ORC2: variants seen among roughly 807,000 people sequenced by gnomAD.
ORC2 encodes origin recognition complex subunit 2.
A neutral mutation model predicts 77.7 loss-of-function variants in ORC2; 37 were observed. The observed-to-expected ratio is 0.48, with a 90% CI of 0.37 to 0.63. ORC2 has a LOEUF of 0.63. Ranked by LOEUF, ORC2 falls within the 20% of genes least tolerant of loss-of-function variation. The pLI is 0.00. For synonymous variants in ORC2, 201 were observed against 229.5 expected (o/e 0.88, Z 1.12); for missense variants, 557 against 661.9 (o/e 0.84, Z 1.74).
At position 200,932,220 on chromosome 2, in the gene ORC2, C is replaced by T. The variant is rs548852189; in HGVS notation, c.808-772G>A. Among the ~76,000 whole-genome samples, 22 of 151,772 alleles carry T rather than the reference C, an allele frequency of 1.4e-4. No individual in the cohort carries two copies. The East Asian group carries it at 4.3e-3, about 29-fold the overall frequency. Reference sequence around the variant, plus strand: ...TTCTGAGTTCAGAGCCCTGAAAAAGCAGAGAAAGCACTAATATCTTTTCCA... The same window carrying T: ...TTCTGAGTTCAGAGCCCTGAAAAAGTAGAGAAAGCACTAATATCTTTTCCA... On this transcript the variant is annotated intron_variant, in intron 10 of 17. Transcript: ENST00000234296.
intron 4 of ORC2, among the ~76,000 whole-genome samples, 163 bp from the exon 5 acceptor site, chr2:200,949,806 C>T (rs1293398532): frequency 1.3e-5 from 2 of 151,972 alleles, no homozygotes; most frequent in Non-Finnish European, 2.9e-5. Flanking sequence ...AGAAAACAGG[C>T]TATGAAACTG....
intron 8 of ORC2, 118 bp downstream of exon 8, chr2:200,937,788 A>T: frequency 1.4e-6 from 1 of 691,316 alleles, no homozygotes; most frequent in South Asian, 1.7e-5. Flanking sequence ...TGTTGCAACT[A>T]AAAGCCAAAG....
intron 1 of ORC2, among the ~76,000 whole-genome samples, chr2:200,962,262 C>T (rs1575192709): frequency 6.6e-6 from 1 of 152,240 alleles, no homozygotes; most frequent in East Asian, 1.9e-4. Flanking sequence ...AAGGCACTGC[C>T]TTGGTGCTTA....
chr2:200,931,470 GAAA>G, intron 10 of ORC2, 22 bp from the exon 11 acceptor site: 1 of 1,309,186 alleles, frequency 7.6e-7, no homozygotes, highest in Non-Finnish European at 1.1e-6. Context: ...AGGAGGAGGG[GAAA>G]AAAGTCATTC....
At chr2:200,918,110 C>T (rs1230288950) in intron 15 of ORC2, among the ~76,000 whole-genome samples, 1 of 152,138 alleles carries the variant, frequency 6.6e-6, no homozygotes, top group Non-Finnish European at 1.5e-5. Flanking sequence ...CTACAACAAA[C>T]ATCTGTTCAG....
At chr2:200,948,829 C>G (rs2041297865) in intron 5 of ORC2, among the ~76,000 whole-genome samples, 1 of 152,100 alleles carries the variant, frequency 6.6e-6, no homozygotes, top group Non-Finnish European at 1.5e-5. Flanking sequence ...CCTCAGCTTC[C>G]CAAAGTGCTG....
At chr2:200,929,475 A>C (rs2040901202) in intron 11 of ORC2, among the ~76,000 whole-genome samples, 2 of 152,136 alleles carry the variant, frequency 1.3e-5, no homozygotes, top group Non-Finnish European at 1.5e-5. Flanking sequence ...TTAGATGTGG[A>C]GAGTGAGGAA....
At chr2:200,913,666 T>G (rs1559002429) in intron 16 of ORC2, 2 of 1,339,350 alleles carry the variant, frequency 1.5e-6, no homozygotes, top group Non-Finnish European at 1.9e-6. Flanking sequence ...GAAAAATATG[T>G]ACTTGGCAGA....
At chr2:200,915,205 G>T (rs572832263) in intron 15 of ORC2, among the ~76,000 whole-genome samples, 7 of 151,766 alleles carry the variant, frequency 4.6e-5, no homozygotes, top group African/African-American at 1.7e-4. Context: ...TAGAGACGGG[G>T]TTTCGCCATG....
intron 7 of ORC2, among the ~76,000 whole-genome samples, chr2:200,940,337 C>G (rs1033729579): frequency 6.6e-6 from 1 of 152,118 alleles, no homozygotes; most frequent in African/African-American, 2.4e-5. Flanking sequence ...TGTGGCTGCC[C>G]AAGACCATGC....
chr2:200,945,871 T>G (rs1309572070), intron 5 of ORC2, among the ~76,000 whole-genome samples: 3 of 152,128 alleles, frequency 2.0e-5, no homozygotes, highest in Non-Finnish European at 4.4e-5. Context: ...AACACGGGAG[T>G]GCAGATATCT....
intron 4 of ORC2, among the ~76,000 whole-genome samples, chr2:200,951,503 C>G (rs972058054): frequency 6.6e-6 from 1 of 152,210 alleles, no homozygotes; most frequent in Non-Finnish European, 1.5e-5. Flanking sequence ...GTTCTTGCTG[C>G]TCCACATCCT....
At chr2:200,947,035 CA>C (rs1159409548) in intron 5 of ORC2, among the ~76,000 whole-genome samples, 1 of 151,744 alleles carries the variant, frequency 6.6e-6, no homozygotes, top group East Asian at 1.9e-4. Context: ...CCCAGGTAGC[CA>C]GAATTACAGG....
chr2:200,931,584 G>T, intron 10 of ORC2, 136 bp from the exon 11 acceptor site: 1 of 482,010 alleles, frequency 2.1e-6, no homozygotes. Context: ...GTTTGGCAAT[G>T]AGTATATCAA....
At chr2:200,951,690 A>G (rs1436341104) in intron 4 of ORC2, among the ~76,000 whole-genome samples, 1 of 152,220 alleles carries the variant, frequency 6.6e-6, no homozygotes, top group African/African-American at 2.4e-5. Context: ...ATAGATGGCA[A>G]ATAAGCATAT....
intron 15 of ORC2, among the ~76,000 whole-genome samples, chr2:200,917,412 A>G (rs1575151464): frequency 6.6e-6 from 1 of 152,252 alleles, no homozygotes; most frequent in East Asian, 1.9e-4. Flanking sequence ...TCAGGCTCCC[A>G]AAGTAGTAGA....
At chr2:200,912,569 G>T (rs1405649980) in intron 17 of ORC2, among the ~76,000 whole-genome samples, 1 of 151,884 alleles carries the variant, frequency 6.6e-6, no homozygotes, top group Non-Finnish European at 1.5e-5. Context: ...GTACAGCTGC[G>T]TGCCACCACA....
intron 11 of ORC2, among the ~76,000 whole-genome samples, chr2:200,927,638 C>A (rs1056118256): frequency 6.7e-6 from 1 of 149,892 alleles, no homozygotes; most frequent in East Asian, 2.0e-4. Flanking sequence ...TGCAGTGAGC[C>A]GAGATCCCGC....
chr2:200,929,662 T>C (rs1223609081), intron 11 of ORC2, among the ~76,000 whole-genome samples: 1 of 151,990 alleles, frequency 6.6e-6, no homozygotes, highest in Non-Finnish European at 1.5e-5. Context: ...CCAGGCATGG[T>C]GGCACACATC....
Sources: gnomAD v4.1 joint callset for allele counts (sites outside exome capture counted in the v4.1 genomes callset) on GRCh38, gnomAD v4.1.1 for gene constraint, MANE v1.5 for transcripts, NCBI Gene and HGNC (gene_info 2026-07-23, HGNC 2026-07-21) for gene names.